The following OR7D4 variants were observed in gnomAD, a reference collection of about 807,000 sequenced individuals.
OR7D4 encodes olfactory receptor family 7 subfamily D member 4.
For missense variants in OR7D4, 319 were observed against 377.1 expected, an observed-to-expected ratio of 0.85 and a Z score of 1.27; for synonymous variants, 154 against 158.4, an observed-to-expected ratio of 0.97 and a Z score of 0.21.
chr19:9,214,819 T>C lies in OR7D4; in HGVS notation c.19A>G (p.Thr7Ala), dbSNP rs761795389. MEAENL[T>A]ELSKFLLLGL... Reference sequence around the variant, plus strand: ...AGGAGGAGAAATTTTGATAATTCTGTAAGGTTTTCTGCTTCCATGTAGCTG... The same window carrying C: ...AGGAGGAGAAATTTTGATAATTCTGCAAGGTTTTCTGCTTCCATGTAGCTG... The change falls in exon 2 of 2, where the codon ACA becomes GCA. Residue 7 changes from threonine (T) to alanine (A), a missense_variant. Transcript: ENST00000641669. The C allele has an allele frequency of 6.2e-7, 1 of 1,604,234 alleles. No individual in the cohort carries two copies. The highest frequency in any genetic ancestry group is 1.1e-5 in the South Asian group (1 of 89,596).
chr19:9,218,008 G>C (rs77120291), intron 1 of OR7D4, among the ~76,000 whole-genome samples: 13,762 of 152,214 alleles, frequency 0.09, 892 homozygotes, highest in African/African-American at 0.18. Flanking sequence ...TTGATGACTA[G>C]AAATAGAACA....
intron 1 of OR7D4, among the ~76,000 whole-genome samples, chr19:9,216,657 T>C (rs1047395391): frequency 3.9e-5 from 6 of 152,070 alleles, no homozygotes; most frequent in African/African-American, 7.2e-5. Flanking sequence ...AGTGGTGCAA[T>C]GTTGGCTCAC....
rs935207692 is a variant in OR7D4 at position 9,219,572 on chromosome 19, G to T, written c.-386C>A. 6.6e-6 allele frequency: 1 copy of T among 152,062 alleles called. No individual in the cohort carries two copies. Among genetic ancestry groups the T allele is most frequent in the Non-Finnish European group, 1.5e-5 (1 of 68,016 alleles). The allele number at this position is 152,062 out of a possible 1,614,324, so 9.4% of individuals were successfully genotyped here. A position where few individuals can be genotyped will look rare whatever the true frequency, so the allele number is the denominator to read the frequency against. ...ATCACTGAAGTTTTCTCTTCTACACGATCTGTTCCTAGGAAGCCGTACTGG... is the reference window on the plus strand; with the variant it reads ...ATCACTGAAGTTTTCTCTTCTACACTATCTGTTCCTAGGAAGCCGTACTGG... On this transcript the variant is annotated 5_prime_UTR_variant, in exon 1 of 2. Coordinates refer to ENST00000641669, the MANE Select transcript of OR7D4 (RefSeq NM_001005191.3).
chr19:9,218,466 A>G (rs934873091), intron 1 of OR7D4, among the ~76,000 whole-genome samples: 1 of 152,242 alleles, frequency 6.6e-6, no homozygotes, highest in Non-Finnish European at 1.5e-5. Flanking sequence ...CTCTCAATAA[A>G]GGAAGAAACC....
chr19:9,216,018 G>T (rs993966375), intron 1 of OR7D4, among the ~76,000 whole-genome samples: 1 of 152,104 alleles, frequency 6.6e-6, no homozygotes, highest in Non-Finnish European at 1.5e-5. Context: ...ATGGATGGTG[G>T]CAGGCAAAGA....
In OR7D4 at chr19:9,213,665, G is replaced by A. The variant is rs946863292; in HGVS notation, c.*234C>T. 8.3e-6 allele frequency: 4 copies of A among 484,790 alleles called. No individual in the cohort carries two copies. The highest frequency in any genetic ancestry group is 1.5e-5 in the Non-Finnish European group (4 of 268,860). 30.0% of individuals were successfully genotyped at this position (484,790 alleles called of 1,614,324 possible). ...AGGCAGGAGAACCGCTTCAACCTGGGAGGTAGAGGTTGCAGTGAGCCAAGA... is the reference window on the plus strand; with the variant it reads ...AGGCAGGAGAACCGCTTCAACCTGGAAGGTAGAGGTTGCAGTGAGCCAAGA... On this transcript the variant is annotated 3_prime_UTR_variant, in exon 2 of 2. Transcript: ENST00000641669.
rs1568329526 is a variant in OR7D4 at position 9,214,539 on chromosome 19, T to A, written c.299A>T (p.Gln100Leu). The change falls in exon 2 of 2, where the codon CAG becomes CTG. Residue 100 changes from glutamine to leucine, a missense_variant. Gln to Leu is a moderately radical substitution (Grantham distance 113, BLOSUM62 -2). Transcript: ENST00000641669. ...KDISYMGCLT[Q>L]VYFLMMFAGM... ...AGCAAACATCATTAAAAAATACACCTGAGTGAGGCACCCCATGTAGGAGAT... is the reference window on the plus strand; with the variant it reads ...AGCAAACATCATTAAAAAATACACCAGAGTGAGGCACCCCATGTAGGAGAT... 1.9e-6 allele frequency: 3 copies of A among 1,614,064 alleles called. No individual in the cohort carries two copies.
chr19:9,215,498 G>A (rs1190021666), intron 1 of OR7D4, among the ~76,000 whole-genome samples: 1 of 151,848 alleles, frequency 6.6e-6, no homozygotes, highest in Non-Finnish European at 1.5e-5. Flanking sequence ...TAATCCCCAT[G>A]CTTCCTTCAT....
At position 9,211,799 on chromosome 19, in the gene OR7D4, G is replaced by C. The variant is rs1368288356; in HGVS notation, c.*2100C>G. 1 of 145,494 alleles carries C rather than the reference G, an allele frequency of 6.9e-6. No homozygotes were observed. The highest frequency in any genetic ancestry group is 1.5e-5 in the Non-Finnish European group (1 of 66,822). The allele number at this position is 145,494 out of a possible 1,614,324, so 9.0% of individuals were successfully genotyped here. A position where few individuals can be genotyped will look rare whatever the true frequency, so the allele number is the denominator to read the frequency against. ...CAAAAAAAAAAAAAAAAAAAAAAAG[G>C]TGCAACATATTCTTCTCATGGAAGG... On this transcript the variant is annotated 3_prime_UTR_variant, in exon 2 of 2. Coordinates refer to ENST00000641669, the MANE Select transcript of OR7D4 (RefSeq NM_001005191.3).
At position 9,213,819 on chromosome 19, in the gene OR7D4, A is replaced by G; in HGVS notation, c.*80T>C. On this transcript the variant is annotated 3_prime_UTR_variant, in exon 2 of 2. Transcript: ENST00000641669. ...CATCAAGCACATTTTTTAAAAGAGAAAAAGAGCCGGATATTTAAACCCACA... is the reference window on the plus strand; with the variant it reads ...CATCAAGCACATTTTTTAAAAGAGAGAAAGAGCCGGATATTTAAACCCACA... 9.8e-7 allele frequency: 1 copy of G among 1,020,706 alleles called. No homozygotes were observed. The highest frequency in any genetic ancestry group is 1.5e-6 in the Non-Finnish European group (1 of 681,310). The allele number at this position is 1,020,706 out of a possible 1,614,324, so 63.2% of individuals were successfully genotyped here.
intron 1 of OR7D4, among the ~76,000 whole-genome samples, chr19:9,217,839 G>A (rs8104336): frequency 0.12 from 18,039 of 151,944 alleles, 1,761 homozygotes; most frequent in African/African-American, 0.26. Context: ...GCACCTGGCC[G>A]GATCATTGTT....
In OR7D4 at chr19:9,219,196, A is replaced by G. The variant is rs2146016960; in HGVS notation, c.-14+4T>C. On this transcript the variant is annotated splice_donor_region_variant and intron_variant, in intron 1 of 1. Transcript: ENST00000641669. ...CAATCACATTAGGAACACATAGACA[A>G]TACCTTGAGCATAGTAGATCTTCCG... The G allele has an allele frequency of 6.6e-6, 1 of 152,250 alleles. No individual in the cohort carries two copies. The highest frequency in any genetic ancestry group is 2.1e-4 in the South Asian group (1 of 4,820). The allele number at this position is 152,250 out of a possible 1,614,324, so 9.4% of individuals were successfully genotyped here.
chr19:9,216,772 A>G (rs2051217219), intron 1 of OR7D4, among the ~76,000 whole-genome samples: 1 of 152,022 alleles, frequency 6.6e-6, no homozygotes, highest in Non-Finnish European at 1.5e-5. Flanking sequence ...TTCTATTTTT[A>G]GTAGAGATGG....
At chr19:9,217,171 A>G (rs1438600477) in intron 1 of OR7D4, among the ~76,000 whole-genome samples, 1 of 152,218 alleles carries the variant, frequency 6.6e-6, no homozygotes, top group Non-Finnish European at 1.5e-5. Flanking sequence ...GGACACCGCC[A>G]TTAGAATCAA....
chr19:9,218,643 T>TG (rs1015615272), intron 1 of OR7D4, among the ~76,000 whole-genome samples: 20 of 151,976 alleles, frequency 1.3e-4, no homozygotes, highest in East Asian at 7.7e-4. Flanking sequence ...GATTTTTTTT[T>TG]GGGGGGGACA....
Position 9,210,443 on chromosome 19 carries a change from C to A in OR7D4, c.*3456G>T, listed in dbSNP as rs1277694709. 6.6e-6 allele frequency: 1 copy of A among 151,954 alleles called. No individual in the cohort carries two copies. Among genetic ancestry groups the A allele is most frequent in the Non-Finnish European group, 1.5e-5 (1 of 68,176 alleles). The allele number at this position is 151,954 out of a possible 1,614,324, so 9.4% of individuals were successfully genotyped here. A position where few individuals can be genotyped will look rare whatever the true frequency, so the allele number is the denominator to read the frequency against. On this transcript the variant is annotated 3_prime_UTR_variant, in exon 2 of 2. Transcript: ENST00000641669. ...GCAACATAGCAAGACTCCATCTCTA[C>A]AAAAAAATAAAATAAAATAAATTAC...
Position 9,213,260 on chromosome 19 carries a change from T to G in OR7D4, c.*639A>C, listed in dbSNP as rs893856631. The G allele has an allele frequency of 1.3e-5, 2 of 151,820 alleles. No homozygotes were observed. Among genetic ancestry groups the G allele is most frequent in the African/African-American group, 2.4e-5 (1 of 41,238 alleles). The allele number at this position is 151,820 out of a possible 1,614,324, so 9.4% of individuals were successfully genotyped here. ...CCAGGTCAGCACTTGATATTGGGAGTGCCATACACATCAAATTAGAAGTCT... is the reference window on the plus strand; with the variant it reads ...CCAGGTCAGCACTTGATATTGGGAGGGCCATACACATCAAATTAGAAGTCT... On this transcript the variant is annotated 3_prime_UTR_variant, in exon 2 of 2. Coordinates refer to ENST00000641669, the MANE Select transcript of OR7D4 (RefSeq NM_001005191.3).
At chr19:9,215,798 G>A (rs888150270) in intron 1 of OR7D4, among the ~76,000 whole-genome samples, 1 of 152,090 alleles carries the variant, frequency 6.6e-6, no homozygotes, top group Admixed American at 6.6e-5. Context: ...GTATAGCATA[G>A]AGCTGTGATT....
chr19:9,214,187 G>A lies in OR7D4; in HGVS notation c.651C>T (p.Ser217=), dbSNP rs8109935. Reference sequence around the variant, plus strand: ...TTAAGGAGGAGACAATCTGAGAGTAGGAGAAGAGGATCCCAGCTACAGGAA... The same window carrying A: ...TTAAGGAGGAGACAATCTGAGAGTAAGAGAAGAGGATCCCAGCTACAGGAA... ...GVFPVAGILF[S]YSQIVSSLMG... The change falls in exon 2 of 2, where the codon TCC becomes TCT. Residue 217 remains serine, a synonymous_variant. Coordinates refer to ENST00000641669, the MANE Select transcript of OR7D4 (RefSeq NM_001005191.3). 153,081 of 1,613,186 alleles carry A rather than the reference G, an allele frequency of 0.095. 10,447 individuals are homozygous for A. Among genetic ancestry groups the A allele is most frequent in the African/African-American group, 0.33 (24,583 of 74,692 alleles).
Sources: gnomAD v4.1 joint callset for allele counts (sites outside exome capture counted in the v4.1 genomes callset) on GRCh38, gnomAD v4.1.1 for gene constraint, MANE v1.5 for transcripts, NCBI Gene and HGNC (gene_info 2026-07-23, HGNC 2026-07-21) for gene names.